NISCH: variants seen among roughly 807,000 people sequenced by gnomAD.
NISCH encodes I-1 receptor candidate protein.
In NISCH, 55 loss-of-function variants were observed where a neutral mutation model predicts 138.4. The observed-to-expected ratio is 0.40, with a 90% CI of 0.32 to 0.50. The LOEUF is 0.50. Ranked by LOEUF, NISCH falls within the 20% of genes least tolerant of loss-of-function variation. NISCH has a pLI of 0.71. For missense variants in NISCH, 1,643 were observed against 2,005.5 expected (o/e 0.82, Z 3.45); for synonymous variants, 860 against 861.5 (o/e 1.00, Z 0.03).
chr3:52,458,949 A>T, intron 3 of NISCH, 105 bp downstream of exon 3: 1 of 960,628 alleles, frequency 1.0e-6, no homozygotes, highest in African/African-American at 1.6e-5. Flanking sequence ...CTGGGGTTTG[A>T]CCCTAGGTTA....
chr3:52,483,107 C>T (rs1194027486), intron 13 of NISCH, among the ~76,000 whole-genome samples: 1 of 152,160 alleles, frequency 6.6e-6, no homozygotes, highest in Non-Finnish European at 1.5e-5. Context: ...GGGCAGGTGC[C>T]CAGCGTGGCC....
chr3:52,480,807 C>G, intron 13 of NISCH: 1 of 1,502,752 alleles, frequency 6.7e-7, no homozygotes, highest in Non-Finnish European at 8.9e-7. Flanking sequence ...CCCTGTGGAC[C>G]CATGGAAGAC....
In NISCH at chr3:52,480,007, C is replaced by A. The variant is rs541417118; in HGVS notation, c.1416+145C>A. On this transcript the variant is annotated intron_variant, in intron 12 of 20. Transcript: ENST00000345716. ...TGGCTGCATGACCTCGGGCAAGTCG[C>A]GGCCTCTCTGTTCTCTGTGGGGTGG... 7.6e-5 allele frequency: 72 copies of A among 951,790 alleles called. No homozygotes were observed. The East Asian group carries it at 1.8e-3, about 24-fold the overall frequency. The allele number at this position is 951,790 out of a possible 1,614,324, so 59.0% of individuals were successfully genotyped here. A position where few individuals can be genotyped will look rare whatever the true frequency, so the allele number is the denominator to read the frequency against.
chr3:52,458,209 A>G (rs964091855), intron 2 of NISCH, among the ~76,000 whole-genome samples: 4 of 152,226 alleles, frequency 2.6e-5, no homozygotes. Context: ...GGAAGGGGAC[A>G]GGTTTGAACT....
At chr3:52,478,035 C>A in intron 9 of NISCH, 62 bp from the exon 10 acceptor site, 1 of 1,563,736 alleles carries the variant, frequency 6.4e-7, no homozygotes, top group Non-Finnish European at 8.8e-7. Flanking sequence ...CCATTAGTGT[C>A]AGGCCCCTAT....
In NISCH at chr3:52,489,447, G is replaced by A. The variant is rs758324903; in HGVS notation, c.3225G>A (p.Pro1075=). 4.4e-5 allele frequency: 70 copies of A among 1,602,388 alleles called. No homozygotes were observed. The highest frequency in any genetic ancestry group is 5.6e-5 in the Non-Finnish European group (65 of 1,170,432). Residue 1075 remains proline, a synonymous_variant, in exon 17 of 21, where the codon CCG becomes CCA. Transcript: ENST00000345716. ...AASASGPAKT[P]APAEASTSAL... is the part of the protein sequence containing the mutation. Reference sequence around the variant, plus strand: ...CAGCCTCAGGCCCAGCGAAGACTCCGGCCCCAGCAGAGGCCTCAACTTCAG... The same window carrying A: ...CAGCCTCAGGCCCAGCGAAGACTCCAGCCCCAGCAGAGGCCTCAACTTCAG...
intron 6 of NISCH, 38 bp downstream of exon 6, chr3:52,472,436 A>T: frequency 6.5e-7 from 1 of 1,530,232 alleles, no homozygotes; most frequent in Non-Finnish European, 9.1e-7. Flanking sequence ...CTCGCTCCCA[A>T]CTCAGAGGCT....
intron 13 of NISCH, chr3:52,480,893 G>A: frequency 2.0e-6 from 3 of 1,535,124 alleles, no homozygotes; most frequent in Non-Finnish European, 2.6e-6. Context: ...CCTCGGAGAT[G>A]AGTGAGTGAA....
intron 3 of NISCH, among the ~76,000 whole-genome samples, chr3:52,465,962 A>C (rs1706768514): frequency 6.6e-6 from 1 of 152,184 alleles, no homozygotes; most frequent in Non-Finnish European, 1.5e-5. Context: ...AGGTGTTTAT[A>C]TTGTTGTCTT....
At chr3:52,478,671 C>A in intron 11 of NISCH, 94 bp downstream of exon 11, 1 of 1,191,498 alleles carries the variant, frequency 8.4e-7, no homozygotes, top group Non-Finnish European at 1.2e-6. Flanking sequence ...CATTGTTCTA[C>A]CCTTGCCTGC....
chr3:52,487,814 C>G lies in NISCH; in HGVS notation c.2322C>G (p.Leu774=). ...GCGACCTCACCGAGTTTGGCTTCCT[C>G]ATGCCGGAGCTGTGTCTGGTGCTCA... ...PHGDLTEFGF[L]MPELCLVLKV... The change falls in exon 16 of 21, where the codon CTC becomes CTG. Residue 774 remains leucine (L), a synonymous_variant. Coordinates refer to ENST00000345716, the MANE Select transcript of NISCH (RefSeq NM_007184.4). This position sits in a 1 kb window ranked among gnomAD's most constrained non-coding sequence, Gnocchi z 9.1. The G allele has an allele frequency of 1.2e-6, 2 of 1,613,584 alleles. No homozygotes were observed. The highest frequency in any genetic ancestry group is 1.7e-6 in the Non-Finnish European group (2 of 1,179,960).
intron 19 of NISCH, 33 bp from the exon 20 acceptor site, chr3:52,491,319 G>T: frequency 6.3e-7 from 1 of 1,590,962 alleles, no homozygotes; most frequent in Non-Finnish European, 8.6e-7. Flanking sequence ...GGGAGCGCCG[G>T]CCTGTGGCCC....
intron 12 of NISCH, 133 bp from the exon 13 acceptor site, chr3:52,480,051 C>T: frequency 1.9e-6 from 2 of 1,080,462 alleles, no homozygotes; most frequent in Non-Finnish European, 1.4e-6. Flanking sequence ...GTAGTTCCTG[C>T]TCTAAGGATA....
chr3:52,472,504 G>A (rs1706982298), intron 6 of NISCH, 106 bp downstream of exon 6: 6 of 1,032,114 alleles, frequency 5.8e-6, no homozygotes, highest in South Asian at 5.4e-5. Context: ...GTGCTTTCGT[G>A]TTTGGCAGTA....
Position 52,488,532 on chromosome 3 carries a change from G to T in NISCH, c.3040G>T (p.Ala1014Ser). The T allele has an allele frequency of 6.2e-7, 1 of 1,613,108 alleles. No homozygotes were observed. Among genetic ancestry groups the T allele is most frequent in the Non-Finnish European group, 8.5e-7 (1 of 1,179,962 alleles). The change falls in exon 16 of 21, where the codon GCC (alanine) becomes TCC (serine). Residue 1014 changes from alanine to serine, a missense_variant. Ala to Ser is a moderately conservative substitution (Grantham distance 99). Transcript: ENST00000345716. ...GCAGGACCTGAAGACTGTGGTCATC[G>T]CCAAGACCCCCGGGACGGGAGGCAG... ...SLQDLKTVVIAKTPGTGGSPQ... is the reference protein window; with the variant it reads ...SLQDLKTVVISKTPGTGGSPQ...
chr3:52,491,258 C>A, intron 19 of NISCH, 94 bp from the exon 20 acceptor site: 5 of 1,501,540 alleles, frequency 3.3e-6, no homozygotes, highest in Non-Finnish European at 4.4e-6. Context: ...GGCCTCTGGG[C>A]TGAGGCTTGC....
At chr3:52,484,675 G>A in intron 14 of NISCH, 38 bp downstream of exon 14, 1 of 1,611,148 alleles carries the variant, frequency 6.2e-7, no homozygotes. Flanking sequence ...CCATACATCT[G>A]TGGGTGGACT....
intron 13 of NISCH, chr3:52,484,300 CCT>C (rs1201487691): frequency 7.7e-6 from 4 of 519,392 alleles, no homozygotes; most frequent in Admixed American, 3.3e-5. Context: ...TTCTCCCTGC[CCT>C]GAGATTAGAT....
At position 52,475,192 on chromosome 3, in the gene NISCH, T is replaced by C. The variant is rs577080573; in HGVS notation, c.766-1255T>C. On this transcript the variant is annotated intron_variant, in intron 7 of 20. Coordinates refer to ENST00000345716, the MANE Select transcript of NISCH (RefSeq NM_007184.4). ...GGCAACATAGGGAGACCTTGTCTCT[T>C]AAAAAAAAAAAAAAAAAATTGGATT... is the stretch of plus-strand genomic sequence containing the variant. Among the ~76,000 whole-genome samples the C allele has an allele frequency of 1.0e-4, 14 of 135,910 alleles. No homozygotes were observed. In the South Asian group the frequency reaches 3.4e-3, roughly 33 times the overall value. 89.2% of individuals were successfully genotyped at this position (135,910 alleles called of 152,430 possible).
Sources: gnomAD v4.1 joint callset for allele counts (sites outside exome capture counted in the v4.1 genomes callset) on GRCh38, gnomAD v4.1.1 for gene constraint, Gnocchi (gnomAD v3.1) non-coding constraint, MANE v1.5 for transcripts, NCBI Gene and HGNC (gene_info 2026-07-23, HGNC 2026-07-21) for gene names.